Variants in DDAH1 observed in about 807,000 individuals in gnomAD.
The protein encoded by DDAH1 is N(G),N(G)-dimethylarginine dimethylaminohydrolase 1.
In DDAH1, 19 loss-of-function variants were observed where a neutral mutation model predicts 28.8. That is an observed-to-expected ratio of 0.66 (90% CI 0.46 to 0.97). DDAH1 has a LOEUF of 0.97. DDAH1 is among the 50% of genes least tolerant of loss of function. The pLI, the probability that DDAH1 is intolerant of heterozygous loss-of-function variation, is 0.00. For synonymous variants in DDAH1, 153 were observed against 154.4 expected (o/e 0.99, Z 0.07); for missense variants, 326 against 375.9 (o/e 0.87, Z 1.10).
At chr1:85,545,807 A>T (rs1658605131) in intron 1 of DDAH1, among the ~76,000 whole-genome samples, 1 of 152,162 alleles carries the variant, frequency 6.6e-6, no homozygotes, top group African/African-American at 2.4e-5. Flanking sequence ...GGGGAGAAGA[A>T]GAAACTGATC....
intron 1 of DDAH1, among the ~76,000 whole-genome samples, chr1:85,423,505 T>A (rs912740103): frequency 1.3e-5 from 2 of 152,056 alleles, no homozygotes; most frequent in African/African-American, 4.8e-5. Flanking sequence ...CCCTTCCTTT[T>A]CCCCCCTTGC....
chr1:85,355,983 A>G (rs966557657), intron 2 of DDAH1, among the ~76,000 whole-genome samples: 8 of 152,200 alleles, frequency 5.3e-5, no homozygotes, highest in African/African-American at 1.9e-4. Context: ...TGGAGGCAAA[A>G]CTCAAAGAAC....
chr1:85,387,957 A>G (rs1651362385), intron 1 of DDAH1, among the ~76,000 whole-genome samples: 1 of 152,150 alleles, frequency 6.6e-6, no homozygotes, highest in Admixed American at 6.5e-5. Flanking sequence ...AGAGGAAGCA[A>G]CGGAACTTGG....
chr1:85,418,086 A>G (rs1257248454), intron 1 of DDAH1, among the ~76,000 whole-genome samples: 2 of 152,234 alleles, frequency 1.3e-5, no homozygotes, highest in African/African-American at 4.8e-5. Flanking sequence ...CATTAGGATA[A>G]GAGGCTGAAA....
rs58835610 is a variant in DDAH1 at position 85,571,787 on chromosome 1, C to CTTTTTTTTTT, written c.-123+6187_-123+6196dup. ...CCTTTTAGAATGAACTGTTTATAAG[C>CTTTTTTTTTT]TTTTTTTTTTTTTTTTTTTTTTTTT... On this transcript the variant is annotated intron_variant, in intron 1 of 6. Coordinates refer to the DDAH1 transcript ENST00000426972. 7.8e-4 allele frequency among the ~76,000 whole-genome samples: 67 copies of CTTTTTTTTTT among 85,412 alleles called. 2 individuals carry two copies. Among genetic ancestry groups the CTTTTTTTTTT allele is most frequent in the African/African-American group, 1.5e-3 (31 of 21,002 alleles). The allele number at this position is 85,412 out of a possible 152,430, so 56.0% of individuals were successfully genotyped here. A position where few individuals can be genotyped will look rare whatever the true frequency, so the allele number is the denominator to read the frequency against.
chr1:85,501,100 C>T (rs761344001), intron 1 of DDAH1, among the ~76,000 whole-genome samples: 1 of 151,986 alleles, frequency 6.6e-6, no homozygotes, highest in African/African-American at 2.4e-5. Flanking sequence ...TGTGGTCATG[C>T]CTCTTCACAT....
chr1:85,336,588 A>C (rs1648137474), intron 4 of DDAH1, among the ~76,000 whole-genome samples: 1 of 152,104 alleles, frequency 6.6e-6, no homozygotes, highest in Non-Finnish European at 1.5e-5. Context: ...AAAAAGTAGA[A>C]AGATTTCAAA....
intron 1 of DDAH1, among the ~76,000 whole-genome samples, chr1:85,443,507 G>C (rs1164990151): frequency 6.6e-6 from 1 of 152,050 alleles, no homozygotes; most frequent in Admixed American, 6.6e-5. Context: ...CTTGGCAATG[G>C]GGGCTCTTTG....
chr1:85,554,336 T>G (rs1395780568), intron 1 of DDAH1, among the ~76,000 whole-genome samples: 1 of 143,976 alleles, frequency 6.9e-6, no homozygotes, highest in East Asian at 2.2e-4. Flanking sequence ...GGAGAAGAGA[T>G]CAGTATCATG....
At chr1:85,546,536 T>C (rs975627415) in intron 1 of DDAH1, among the ~76,000 whole-genome samples, 2 of 152,136 alleles carry the variant, frequency 1.3e-5, no homozygotes, top group African/African-American at 4.8e-5. Flanking sequence ...TCAAGGCAGA[T>C]CATGCAAGAA....
intron 1 of DDAH1, among the ~76,000 whole-genome samples, chr1:85,366,177 AT>A (rs1402037890): frequency 6.6e-6 from 1 of 152,100 alleles, no homozygotes; most frequent in Non-Finnish European, 1.5e-5. Flanking sequence ...ACTGGAAATT[AT>A]TTAATCACGA....
intron 2 of DDAH1, among the ~76,000 whole-genome samples, chr1:85,484,838 TC>T (rs1656146892): frequency 6.6e-6 from 1 of 152,200 alleles, no homozygotes; most frequent in African/African-American, 2.4e-5. Context: ...CTTTTCAGCC[TC>T]TTTCTGGAAA....
At position 85,320,185 on chromosome 1, in the gene DDAH1, T is replaced by C. The variant is rs948261972; in HGVS notation, c.*1267A>G. 1 of 152,616 alleles carries C rather than the reference T, an allele frequency of 6.6e-6. No individual in the cohort carries two copies. The highest frequency in any genetic ancestry group is 2.4e-5 in the African/African-American group (1 of 41,460). The allele number at this position is 152,616 out of a possible 1,614,324, so 9.5% of individuals were successfully genotyped here. The stretch of plus-strand genomic sequence containing the variant: ...CTTCCTTCAGTGCCGCATTGTTCTT[T>C]GTAAGAGATCCGTGTCAGTTCAAAG... On this transcript the variant is annotated 3_prime_UTR_variant, in exon 6 of 6. Transcript: ENST00000284031.
chr1:85,464,867 A>C lies in DDAH1; in HGVS notation c.179T>G (p.Leu60Arg). ...GTCGGCCGGCAGCTCCACCACCTGCAGCCCCAGCTTGCTGCCCAGCACGCC... is the reference window on the plus strand; with the variant it reads ...GTCGGCCGGCAGCTCCACCACCTGCCGCCCCAGCTTGCTGCCCAGCACGCC... Reference protein sequence around the residue: ...YVGVLGSKLGLQVVELPADES... With the variant: ...YVGVLGSKLGRQVVELPADES... The change falls in exon 1 of 6, where the codon CTG (leucine) becomes CGG (arginine). Residue 60 changes from leucine to arginine, a missense_variant. Physicochemically the swap from Leu to Arg is moderately radical, Grantham distance 102. Coordinates refer to ENST00000284031, the MANE Select transcript of DDAH1 (RefSeq NM_012137.4). The surrounding 1 kb of genome is among the most constrained non-coding windows in gnomAD (Gnocchi z 4.4). 6.3e-7 allele frequency: 1 copy of C among 1,585,320 alleles called. No homozygotes were observed. Among genetic ancestry groups the C allele is most frequent in the Non-Finnish European group, 8.5e-7 (1 of 1,174,284 alleles).
chr1:85,324,067 T>G (rs576308458), intron 5 of DDAH1, among the ~76,000 whole-genome samples: 1 of 151,380 alleles, frequency 6.6e-6, no homozygotes, highest in East Asian at 1.9e-4. Flanking sequence ...CTCACGAATT[T>G]GATACCGGCC....
intron 1 of DDAH1, among the ~76,000 whole-genome samples, chr1:85,445,494 C>T (rs1654392158): frequency 6.6e-6 from 1 of 152,174 alleles, no homozygotes; most frequent in Non-Finnish European, 1.5e-5. Flanking sequence ...CAATTTAGGA[C>T]AGACGGTTAA....
chr1:85,466,832 C>CTTTTTTTTT (rs10675813), upstream of DDAH1, among the ~76,000 whole-genome samples: 1,176 of 70,666 alleles, frequency 0.017, 146 homozygotes, highest in Non-Finnish European at 0.019. Context: ...ATTATTTATT[C>CTTTTTTTTT]TTTTTTTTTT....
chr1:85,510,529 G>A (rs1000611645), intron 1 of DDAH1, among the ~76,000 whole-genome samples: 3 of 152,042 alleles, frequency 2.0e-5, no homozygotes, highest in Non-Finnish European at 2.9e-5. Flanking sequence ...TGGACTAAAT[G>A]CCCCAATTAA....
At chr1:85,368,752 TCTAAA>T (rs1483084674) in intron 1 of DDAH1, among the ~76,000 whole-genome samples, 2 of 152,126 alleles carry the variant, frequency 1.3e-5, no homozygotes, top group Non-Finnish European at 2.9e-5. Context: ...TTTATAAAAT[TCTAAA>T]CTAATTTTCC....
Sources: allele counts gnomAD v4.1 joint callset (sites outside exome capture counted in the v4.1 genomes callset), GRCh38; gene constraint gnomAD v4.1.1; non-coding constraint Gnocchi (gnomAD v3.1); transcripts MANE v1.5; gene names NCBI Gene and HGNC (gene_info 2026-07-23, HGNC 2026-07-21).